LDLRAD4: variants seen among roughly 807,000 people sequenced by gnomAD.
The protein encoded by LDLRAD4 is low-density lipoprotein receptor class A domain-containing protein 4.
LDLRAD4 carries 5 observed loss-of-function variants against 17.0 expected under a neutral mutation model. That is an observed-to-expected ratio of 0.29 (90% CI 0.15 to 0.62). The LOEUF (loss-of-function observed/expected upper bound fraction) is 0.62. LDLRAD4 is among the 20% of genes least tolerant of loss of function. LDLRAD4 has a pLI of 0.84. For synonymous variants in LDLRAD4, 168 were observed against 171.8 expected (o/e 0.98, Z 0.17); for missense variants, 340 against 424.7 (o/e 0.80, Z 1.75).
chr18:13,230,996 G>A (rs1286617985), intron 1 of LDLRAD4, among the ~76,000 whole-genome samples: 1 of 152,176 alleles, frequency 6.6e-6, no homozygotes, highest in Admixed American at 6.5e-5. Flanking sequence ...CATGCTCGGC[G>A]CAGGGGGACC....
intron 4 of LDLRAD4, chr18:13,642,202 C>T: frequency 2.0e-6 from 2 of 985,756 alleles, no homozygotes; most frequent in Non-Finnish European, 2.4e-6. Flanking sequence ...ACGCGGGGCT[C>T]GGTGTTTCTT....
intron 4 of LDLRAD4, chr18:13,641,983 C>A: frequency 1.0e-6 from 1 of 985,130 alleles, no homozygotes; most frequent in Non-Finnish European, 1.2e-6. Context: ...GGGCCCTGGG[C>A]GGTGGGAGGG....
intron 3 of LDLRAD4, among the ~76,000 whole-genome samples, chr18:13,493,154 T>G (rs1043862979): frequency 1.3e-5 from 2 of 152,176 alleles, no homozygotes; most frequent in Non-Finnish European, 2.9e-5. Context: ...ATCCTTTATC[T>G]TCTAAACACC....
chr18:13,605,016 G>A (rs2095207684), intron 3 of LDLRAD4, among the ~76,000 whole-genome samples: 1 of 152,216 alleles, frequency 6.6e-6, no homozygotes, highest in South Asian at 2.1e-4. Context: ...CGGGGACAGA[G>A]AGAAAGCGGG....
At chr18:13,228,206 G>A (rs2041905731) in intron 1 of LDLRAD4, among the ~76,000 whole-genome samples, 1 of 152,182 alleles carries the variant, frequency 6.6e-6, no homozygotes, top group South Asian at 2.1e-4. Context: ...GAGTGGAGAT[G>A]GAGTGTGCTG....
chr18:13,650,246 T>TTGC (rs3842394), exon 6 of LDLRAD4: 134,225 of 402,154 alleles, frequency 0.33, 22,675 homozygotes, highest in African/African-American at 0.39. Context: ...AGACAGTCAT[T>TTGC]TGCTGCTGCT....
At chr18:13,444,647 C>T (rs1239742139) in intron 3 of LDLRAD4, among the ~76,000 whole-genome samples, 1 of 152,324 alleles carries the variant, frequency 6.6e-6, no homozygotes, top group East Asian at 1.9e-4. Context: ...TTGATCCTTT[C>T]TCTGCTGCCT....
intron 1 of LDLRAD4, among the ~76,000 whole-genome samples, chr18:13,335,944 G>A (rs2082080647): frequency 6.6e-6 from 1 of 152,142 alleles, no homozygotes. Flanking sequence ...TTTACAAAGA[G>A]GTTTATTTGG....
intron 3 of LDLRAD4, among the ~76,000 whole-genome samples, chr18:13,572,564 A>G (rs1316042832): frequency 2.0e-5 from 3 of 152,252 alleles, no homozygotes; most frequent in South Asian, 2.1e-4. Flanking sequence ...TTCAATGCAC[A>G]TTGAGTAAGA....
Position 13,398,604 on chromosome 18 carries a change from A to G in LDLRAD4, c.40+10842A>G, listed in dbSNP as rs929303243. 1.3e-5 allele frequency among the ~76,000 whole-genome samples: 2 copies of G among 152,056 alleles called. No individual in the cohort carries two copies. The highest frequency in any genetic ancestry group is 4.8e-5 in the African/African-American group (2 of 41,402). ...CGAGGGTCTCAGTTTTGGCTTAAGG[A>G]CAGGTTTCGAAGGAGATGGGCGGCC... is the stretch of plus-strand genomic sequence containing the variant. On this transcript the variant is annotated intron_variant, in intron 2 of 5. Coordinates refer to ENST00000359446, the Ensembl canonical transcript of LDLRAD4. This position sits in a 1 kb window ranked among gnomAD's most constrained non-coding sequence, Gnocchi z 4.8.
intron 2 of LDLRAD4, among the ~76,000 whole-genome samples, chr18:13,409,844 T>G (rs966337957): frequency 6.6e-6 from 1 of 152,206 alleles, no homozygotes. Flanking sequence ...AAACAAGATA[T>G]TTGAATAGTC....
Position 13,621,175 on chromosome 18 carries a change from G to A in LDLRAD4, c.240G>A (p.Val80=), listed in dbSNP as rs149909648. The A allele has an allele frequency of 3.7e-4, 605 of 1,614,168 alleles. No individual in the cohort carries two copies. The highest frequency in any genetic ancestry group is 2.1e-3 in the Middle Eastern group (13 of 6,062). ...TCGTGGTGGTCACGGTGATGGTGGT[G>A]GTCATCGTCTGCCTGCTGAACCACT... Residue 80 remains valine (V), a synonymous_variant, in exon 4 of 6, where the codon GTG becomes GTA. Coordinates refer to ENST00000359446, the Ensembl canonical transcript of LDLRAD4. This position sits in a 1 kb window ranked among gnomAD's most constrained non-coding sequence, Gnocchi z 5.5.
rs2084125242 is a variant in LDLRAD4 at position 13,367,269 on chromosome 18, G to A, written c.-382-20072G>A. Among the ~76,000 whole-genome samples, 1 of 152,184 alleles carries A rather than the reference G, an allele frequency of 6.6e-6. No individual in the cohort carries two copies. The highest frequency in any genetic ancestry group is 1.5e-5 in the Non-Finnish European group (1 of 68,024). On this transcript the variant is annotated intron_variant, in intron 1 of 5. Transcript: ENST00000359446. The surrounding 1 kb of genome is among the most constrained non-coding windows in gnomAD (Gnocchi z 4.1). ...TCCTCAGATGATTTTGGTTCACACA[G>A]AGTCAGAACCGCTGTGGCAGCGTGA...
intron 3 of LDLRAD4, among the ~76,000 whole-genome samples, chr18:13,458,064 A>G (rs8089773): frequency 0.14 from 21,946 of 152,146 alleles, 1,804 homozygotes; most frequent in African/African-American, 0.22. Flanking sequence ...CGGTAGGCCA[A>G]TTCATTTCTT....
intron 1 of LDLRAD4, among the ~76,000 whole-genome samples, chr18:13,308,274 A>G (rs969114576): frequency 2.6e-5 from 4 of 152,164 alleles, no homozygotes; most frequent in Non-Finnish European, 5.9e-5. Context: ...GTCCCATTTA[A>G]TAGACATGCC....
chr18:13,233,994 C>T (rs758287328), intron 1 of LDLRAD4, among the ~76,000 whole-genome samples: 17 of 152,186 alleles, frequency 1.1e-4, no homozygotes, highest in Non-Finnish European at 1.9e-4. Flanking sequence ...ACACTTCTTT[C>T]GTCACCTTTT....
intron 3 of LDLRAD4, among the ~76,000 whole-genome samples, chr18:13,466,692 A>G (rs760697668): frequency 6.6e-6 from 1 of 152,170 alleles, no homozygotes; most frequent in Non-Finnish European, 1.5e-5. Flanking sequence ...ACAAAATACC[A>G]TATACGAGGT....
intron 3 of LDLRAD4, among the ~76,000 whole-genome samples, chr18:13,608,795 C>T (rs1259711027): frequency 6.6e-6 from 1 of 152,206 alleles, no homozygotes. Context: ...ACTGAAGGTC[C>T]AGTGCGTTTC....
At chr18:13,599,647 C>A (rs1359491104) in intron 3 of LDLRAD4, among the ~76,000 whole-genome samples, 2 of 151,960 alleles carry the variant, frequency 1.3e-5, no homozygotes, top group Non-Finnish European at 2.9e-5. Context: ...CCCGCCACCA[C>A]ACCCGGCTAA....
Sources: gnomAD v4.1 joint callset for allele counts (sites outside exome capture counted in the v4.1 genomes callset) on GRCh38, gnomAD v4.1.1 for gene constraint, Gnocchi (gnomAD v3.1) non-coding constraint, MANE v1.5 for transcripts, NCBI Gene and HGNC (gene_info 2026-07-23, HGNC 2026-07-21) for gene names.